Variants in GRID1 observed in about 807,000 individuals in gnomAD.
GRID1 encodes glutamate ionotropic receptor delta type subunit 1.
In GRID1, 28 loss-of-function variants were observed where a neutral mutation model predicts 98.0. The observed-to-expected ratio is 0.29, with a 90% CI of 0.21 to 0.39. The LOEUF is 0.39. GRID1 is among the 10% of genes least tolerant of loss of function. The pLI is 1.00. For synonymous variants in GRID1, 553 were observed against 538.5 expected (o/e 1.03, Z -0.37); for missense variants, 1,111 against 1,340.5 (o/e 0.83, Z 2.67).
At chr10:85,925,867 T>C (rs939983930) in intron 4 of GRID1, among the ~76,000 whole-genome samples, 1 of 152,234 alleles carries the variant, frequency 6.6e-6, no homozygotes, top group Non-Finnish European at 1.5e-5. Context: ...ATCATGCTCA[T>C]GCAAGCCACT....
At chr10:85,913,348 T>A (rs1220317602) in intron 5 of GRID1, among the ~76,000 whole-genome samples, 1 of 152,240 alleles carries the variant, frequency 6.6e-6, no homozygotes, top group African/African-American at 2.4e-5. Flanking sequence ...AATAGCTGCA[T>A]GACCTTGAAC....
intron 15 of GRID1, 82 bp from the exon 16 acceptor site, chr10:85,602,783 T>C (rs2132500479): frequency 9.9e-7 from 1 of 1,008,620 alleles, no homozygotes; most frequent in South Asian, 1.6e-5. Flanking sequence ...ATGTCTGTAG[T>C]CACCAGGCCT....
intron 8 of GRID1, among the ~76,000 whole-genome samples, chr10:85,809,210 T>G (rs78444679): frequency 0.017 from 2,601 of 151,596 alleles, 80 homozygotes; most frequent in Admixed American, 0.069. Context: ...AAAAATAAAA[T>G]GAGGAAAAAA....
chr10:86,325,972 T>C (rs1001947648), intron 2 of GRID1, among the ~76,000 whole-genome samples: 1 of 152,232 alleles, frequency 6.6e-6, no homozygotes. Flanking sequence ...TATAGGTATC[T>C]ACCTATGAAC....
intron 4 of GRID1, among the ~76,000 whole-genome samples, chr10:86,056,197 C>G (rs1206620287): frequency 6.6e-6 from 1 of 152,158 alleles, no homozygotes; most frequent in African/African-American, 2.4e-5. Context: ...CCTAAATGTT[C>G]TAGGCACATG....
In GRID1 at chr10:85,723,170, C is replaced by T. The variant is rs757102147; in HGVS notation, c.1859-29G>A. ...CGGGAGGCAGACAAAGTGGATTGGC[C>T]AGTGGCTTCTGCTCTCCCTCCTATC... On this transcript the variant is annotated intron_variant, in intron 11 of 15. Transcript: ENST00000327946. 10 of 1,582,952 alleles carry T rather than the reference C, an allele frequency of 6.3e-6. No homozygotes were observed. The South Asian group carries it at 7.0e-5, about 11-fold the overall frequency.
At chr10:85,812,227 A>AT in intron 8 of GRID1, among the ~76,000 whole-genome samples, 1 of 152,302 alleles carries the variant, frequency 6.6e-6, no homozygotes, top group African/African-American at 2.4e-5. Flanking sequence ...TGAAAAGATG[A>AT]TAACTACCAT....
chr10:85,709,090 T>C (rs1345077966), intron 12 of GRID1: 7 of 340,176 alleles, frequency 2.1e-5, no homozygotes, highest in Admixed American at 3.4e-5. Flanking sequence ...AAACCCCTGT[T>C]AAGGGAATGA....
At chr10:86,257,756 G>A (rs1415883648) in intron 2 of GRID1, among the ~76,000 whole-genome samples, 1 of 152,186 alleles carries the variant, frequency 6.6e-6, no homozygotes, top group Non-Finnish European at 1.5e-5. Flanking sequence ...GGGCATGGCT[G>A]AGAAACACAG....
chr10:86,123,776 G>A (rs116072775), intron 4 of GRID1, among the ~76,000 whole-genome samples: 4,044 of 152,320 alleles, frequency 0.027, 202 homozygotes, highest in African/African-American at 0.092. Context: ...CAGCAAGGCA[G>A]GCCCATGTGC....
At chr10:86,299,660 G>T (rs1022879801) in intron 2 of GRID1, among the ~76,000 whole-genome samples, 2 of 152,088 alleles carry the variant, frequency 1.3e-5, no homozygotes, top group African/African-American at 2.4e-5. Context: ...TTTCAATAGC[G>T]CTTTGCCAAT....
intron 4 of GRID1, among the ~76,000 whole-genome samples, chr10:85,984,085 C>T (rs1465951819): frequency 2.0e-5 from 3 of 152,062 alleles, no homozygotes; most frequent in Non-Finnish European, 4.4e-5. Flanking sequence ...TCCTCTCCAT[C>T]TCTCCTCCAT....
chr10:85,861,417 C>G (rs1397025860), intron 6 of GRID1, among the ~76,000 whole-genome samples: 2 of 152,226 alleles, frequency 1.3e-5, no homozygotes, highest in East Asian at 3.8e-4. Flanking sequence ...CCACACCTTT[C>G]AGGGCTACAT....
At chr10:86,133,128 C>T (rs1844863632) in intron 4 of GRID1, among the ~76,000 whole-genome samples, 2 of 152,176 alleles carry the variant, frequency 1.3e-5, no homozygotes, top group South Asian at 4.1e-4. Flanking sequence ...GACAGAATAC[C>T]TCTCCCAGAC....
intron 2 of GRID1, among the ~76,000 whole-genome samples, chr10:86,293,526 T>C (rs1847545779): frequency 6.6e-6 from 1 of 152,222 alleles, no homozygotes; most frequent in Non-Finnish European, 1.5e-5. Context: ...TAAAGACTTT[T>C]TTTGTTATTA....
At chr10:86,145,694 C>G (rs1488318710) in intron 3 of GRID1, among the ~76,000 whole-genome samples, 21 of 152,162 alleles carry the variant, frequency 1.4e-4, no homozygotes, top group Admixed American at 1.4e-3. Context: ...ATGCCCCCTT[C>G]AAATTTAATA....
intron 4 of GRID1, among the ~76,000 whole-genome samples, chr10:86,010,363 G>T (rs986069844): frequency 6.6e-6 from 1 of 152,138 alleles, no homozygotes; most frequent in African/African-American, 2.4e-5. Context: ...TTCATAGGAA[G>T]GGAAAACTGC....
At chr10:85,954,799 C>T (rs1842168763) in intron 4 of GRID1, among the ~76,000 whole-genome samples, 1 of 152,170 alleles carries the variant, frequency 6.6e-6, no homozygotes, top group Non-Finnish European at 1.5e-5. Context: ...AGTGTGAACT[C>T]AAACATTTAC....
intron 8 of GRID1, among the ~76,000 whole-genome samples, chr10:85,767,503 G>T (rs868796352): frequency 1.4e-4 from 22 of 152,146 alleles, no homozygotes; most frequent in Non-Finnish European, 2.6e-4. Flanking sequence ...ATGGGAAAAA[G>T]AACTTTGTTA....
Sources: allele counts gnomAD v4.1 joint callset (sites outside exome capture counted in the v4.1 genomes callset), GRCh38; gene constraint gnomAD v4.1.1; transcripts MANE v1.5; gene names NCBI Gene and HGNC (gene_info 2026-07-23, HGNC 2026-07-21).